CUL5: variants seen among roughly 807,000 people sequenced by gnomAD.
CUL5 encodes the protein cullin 5.
Under a neutral mutation model 108.8 loss-of-function variants are expected in CUL5, and 26 were observed. That is an observed-to-expected ratio of 0.24 (90% confidence interval 0.18 to 0.33). The LOEUF is 0.33. CUL5 is among the 10% of genes least tolerant of loss of function. The pLI is 1.00. For synonymous variants in CUL5, 334 were observed against 298.0 expected (o/e 1.12, Z -1.25); for missense variants, 524 against 909.2 (o/e 0.58, Z 5.45).
At chr11:108,068,118 G>A (rs911936789) in intron 7 of CUL5, among the ~76,000 whole-genome samples, 2 of 151,890 alleles carry the variant, frequency 1.3e-5, no homozygotes, top group African/African-American at 2.4e-5. Flanking sequence ...GGGTTTCTCT[G>A]TGTTGGTCAG....
intron 11 of CUL5, among the ~76,000 whole-genome samples, chr11:108,081,873 G>A (rs576162049): frequency 1.3e-5 from 2 of 152,190 alleles, no homozygotes; most frequent in Non-Finnish European, 2.9e-5. Flanking sequence ...GTAGCCTTGC[G>A]ATAAGCTTTA....
intron 10 of CUL5, among the ~76,000 whole-genome samples, chr11:108,074,652 A>G (rs1413216597): frequency 6.6e-6 from 1 of 152,026 alleles, no homozygotes; most frequent in Non-Finnish European, 1.5e-5. Flanking sequence ...TAAAAATACG[A>G]AAAATTAGCT....
intron 1 of CUL5, among the ~76,000 whole-genome samples, chr11:108,010,116 A>T (rs1862026872): frequency 6.6e-6 from 1 of 152,268 alleles, no homozygotes. Flanking sequence ...CCACCAGTTA[A>T]AAAGTTTGGA....
At chr11:108,072,563 G>A in intron 9 of CUL5, 101 bp downstream of exon 9, 2 of 1,013,634 alleles carry the variant, frequency 2.0e-6, no homozygotes, top group Non-Finnish European at 2.9e-6. Flanking sequence ...CTGGGGGTTG[G>A]GGGAGCAGAA....
intron 11 of CUL5, among the ~76,000 whole-genome samples, chr11:108,081,832 T>C (rs777698044): frequency 4.9e-4 from 74 of 152,248 alleles, no homozygotes; most frequent in Non-Finnish European, 7.3e-4. Flanking sequence ...ATATTTGTCC[T>C]TATGCTGGTG....
intron 7 of CUL5, among the ~76,000 whole-genome samples, chr11:108,066,833 C>A (rs1863694986): frequency 6.6e-6 from 1 of 152,154 alleles, no homozygotes; most frequent in Non-Finnish European, 1.5e-5. Context: ...TAGTGAAGAT[C>A]TTCTTTTCAT....
chr11:108,044,503 G>A (rs1863017941), intron 2 of CUL5, among the ~76,000 whole-genome samples: 1 of 100,210 alleles, frequency 1.0e-5, no homozygotes, highest in South Asian at 4.3e-4. Context: ...GTGAGACAGT[G>A]TCTCAAAAAA....
At chr11:108,101,398 C>G (rs558982279) in intron 18 of CUL5, among the ~76,000 whole-genome samples, 2 of 152,238 alleles carry the variant, frequency 1.3e-5, no homozygotes, top group African/African-American at 4.8e-5. Context: ...CTGCTGTTGT[C>G]TACAGCAGAT....
At chr11:108,009,501 C>A in intron 1 of CUL5, 129 bp downstream of exon 1, 1 of 946,780 alleles carries the variant, frequency 1.1e-6, no homozygotes, top group Non-Finnish European at 1.6e-6. Flanking sequence ...AGGGAAGCCG[C>A]GGTGGCAGCC....
At chr11:108,101,720 A>G (rs1265392114) in intron 18 of CUL5, among the ~76,000 whole-genome samples, 1 of 152,186 alleles carries the variant, frequency 6.6e-6, no homozygotes, top group African/African-American at 2.4e-5. Context: ...GACCTCCAGC[A>G]TATCAAATGG....
rs139515970 is a variant in CUL5 at position 108,028,195 on chromosome 11, T to A, written c.25-5607T>A. Reference sequence around the variant, plus strand: ...TTTTCATATGAATGTATAATAGATATGTTAAATGTAATACATCTAAAACCA... The same window carrying A: ...TTTTCATATGAATGTATAATAGATAAGTTAAATGTAATACATCTAAAACCA... On this transcript the variant is annotated intron_variant, in intron 1 of 18. Transcript: ENST00000393094. Among the ~76,000 whole-genome samples, 34 of 152,386 alleles carry A rather than the reference T, an allele frequency of 2.2e-4. 1 individual carries two copies. Among genetic ancestry groups the A allele is most frequent in the African/African-American group, 7.0e-4 (29 of 41,596 alleles).
At chr11:108,052,872 A>G (rs1392808127) in intron 5 of CUL5, 71 bp downstream of exon 5, 1 of 1,339,818 alleles carries the variant, frequency 7.5e-7, no homozygotes, top group African/African-American at 1.5e-5. Flanking sequence ...GAATAGCACA[A>G]TCAAAGTTAA....
chr11:108,103,959 A>T (rs1199238080), intron 18 of CUL5, among the ~76,000 whole-genome samples: 2 of 151,872 alleles, frequency 1.3e-5, no homozygotes, highest in African/African-American at 2.4e-5. Flanking sequence ...TCCCTCCCCT[A>T]TCCCCCCACC....
rs1165962051 is a variant in CUL5, at chr11:108,009,212, G to T, written c.-137G>T. On this transcript the variant is annotated 5_prime_UTR_variant, in exon 1 of 19. Transcript: ENST00000393094. ...GGGACGAGGTCAGCGCTGTCGGCGC[G>T]CTGCTCCAGCGCCCACCACACCCTG... 1.2e-6 allele frequency: 1 copy of T among 846,026 alleles called. No homozygotes were observed. Among genetic ancestry groups the T allele is most frequent in the East Asian group, 2.6e-5 (1 of 38,720 alleles). The allele number at this position is 846,026 out of a possible 1,614,324, so 52.4% of individuals were successfully genotyped here.
chr11:108,056,811 G>T (rs1370772906), intron 7 of CUL5, among the ~76,000 whole-genome samples: 3 of 152,188 alleles, frequency 2.0e-5, no homozygotes, highest in African/African-American at 4.8e-5. Context: ...GACAAGGGAA[G>T]AGAGAAACTT....
chr11:108,027,142 T>C (rs1055449688), intron 1 of CUL5, among the ~76,000 whole-genome samples: 1 of 152,168 alleles, frequency 6.6e-6, no homozygotes, highest in Non-Finnish European at 1.5e-5. Context: ...TTATTTACTA[T>C]TTGTTTTTTG....
chr11:108,018,781 T>G (rs995503291), intron 1 of CUL5, among the ~76,000 whole-genome samples: 1 of 152,190 alleles, frequency 6.6e-6, no homozygotes, highest in African/African-American at 2.4e-5. Flanking sequence ...AGAAAGATTT[T>G]ATGAATCCCC....
rs539162520 is a variant in CUL5, at chr11:108,059,072, G to T, written c.780+4117G>T. Among the ~76,000 whole-genome samples the T allele has an allele frequency of 2.2e-3, 340 of 152,306 alleles. 1 individual carries two copies. The highest frequency in any genetic ancestry group is 7.6e-3 in the African/African-American group (314 of 41,566). On this transcript the variant is annotated intron_variant, in intron 7 of 18. Transcript: ENST00000393094. ...GCTGGAGTGCAGTGGCTGTTCACAG[G>T]TTTGATCATAGTGCACTGCATTCTC... is the stretch of plus-strand genomic sequence containing the variant.
At chr11:108,037,551 C>G (rs909132772) in intron 2 of CUL5, among the ~76,000 whole-genome samples, 1 of 152,166 alleles carries the variant, frequency 6.6e-6, no homozygotes, top group African/African-American at 2.4e-5. Context: ...CCAGGAGAAA[C>G]GAAATCCAAA....
Sources: gnomAD v4.1 joint callset for allele counts (sites outside exome capture counted in the v4.1 genomes callset) on GRCh38, gnomAD v4.1.1 for gene constraint, MANE v1.5 for transcripts, NCBI Gene and HGNC (gene_info 2026-07-23, HGNC 2026-07-21) for gene names.